GNPDA2: variants seen among roughly 807,000 people sequenced by gnomAD.
The protein encoded by GNPDA2 is glcN6P deaminase 2.
GNPDA2 carries 24 observed loss-of-function variants against 27.0 expected under a neutral mutation model. The observed-to-expected ratio is 0.89, with a 90% CI of 0.64 to 1.25. The LOEUF (loss-of-function observed/expected upper bound fraction) is 1.25, where lower values mean the gene tolerates loss of function less well. Among genes scored for constraint, GNPDA2 ranks in the 50% most tolerant of loss-of-function variants. The pLI, the probability that GNPDA2 is intolerant of heterozygous loss-of-function variation, is 0.00. For missense variants in GNPDA2, 286 were observed against 335.1 expected, an observed-to-expected ratio of 0.85 and a Z score of 1.14; for synonymous variants, 94 against 108.4, an observed-to-expected ratio of 0.87 and a Z score of 0.83.
In GNPDA2 at chr4:44,702,146, T is replaced by G. The variant is rs1472005121; in HGVS notation, c.*935A>C. On this transcript the variant is annotated 3_prime_UTR_variant, in exon 7 of 7. Coordinates refer to ENST00000295448, the MANE Select transcript of GNPDA2 (RefSeq NM_138335.3). ...ATTCTTCAGGTTCACTTCTGGAAAT[T>G]TAGATAACTTATTTATTACACGCTT... 4 of 925,256 alleles carry G rather than the reference T, an allele frequency of 4.3e-6. No individual in the cohort carries two copies. The African/African-American group carries it at 5.4e-5, about 12-fold the overall frequency. The allele number at this position is 925,256 out of a possible 1,614,324, so 57.3% of individuals were successfully genotyped here. A position where few individuals can be genotyped will look rare whatever the true frequency, so the allele number is the denominator to read the frequency against.
rs545415112 is a variant in GNPDA2, at chr4:44,707,497, TA to T, written c.769+254del. On this transcript the variant is annotated intron_variant, in intron 6 of 6. Coordinates refer to ENST00000295448, the MANE Select transcript of GNPDA2 (RefSeq NM_138335.3). ...TATATTCAATATGAAAGTAAATTAT[TA>T]AACCTTGGATTTCAAGAAAAATTGT... The T allele has an allele frequency of 1.1e-4, 50 of 439,720 alleles. No homozygotes were observed. In the East Asian group the frequency reaches 1.4e-3, roughly 12 times the overall value. The allele number at this position is 439,720 out of a possible 1,614,324, so 27.2% of individuals were successfully genotyped here. A position where few individuals can be genotyped will look rare whatever the true frequency, so the allele number is the denominator to read the frequency against.
intron 1 of GNPDA2, among the ~76,000 whole-genome samples, chr4:44,725,765 T>TTA: frequency 1.6e-5 from 1 of 62,248 alleles, no homozygotes; most frequent in South Asian, 7.2e-4. Flanking sequence ...TTCTCTGGCA[T>TTA]CACAAGACAG....
chr4:44,725,813 T>C (rs990133482), intron 1 of GNPDA2, among the ~76,000 whole-genome samples: 15 of 152,224 alleles, frequency 9.9e-5, no homozygotes, highest in Non-Finnish European at 1.0e-4. Flanking sequence ...TTCCCTCGTC[T>C]TCCTTCAGGT....
chr4:44,719,935 A>G (rs956653491), intron 2 of GNPDA2, among the ~76,000 whole-genome samples: 5 of 152,168 alleles, frequency 3.3e-5, no homozygotes, highest in Non-Finnish European at 7.4e-5. Flanking sequence ...ATATAGGGAT[A>G]AGCAAGTACA....
At chr4:44,721,854 A>G (rs1380200670) in intron 2 of GNPDA2, among the ~76,000 whole-genome samples, 1 of 152,164 alleles carries the variant, frequency 6.6e-6, no homozygotes, top group Non-Finnish European at 1.5e-5. Context: ...AATATTTCCT[A>G]TTGCATTTTG....
chr4:44,717,443 T>A (rs1015458000), intron 3 of GNPDA2, 148 bp from the exon 4 acceptor site: 4 of 494,776 alleles, frequency 8.1e-6, no homozygotes, highest in African/African-American at 8.0e-5. Flanking sequence ...TATATGATTA[T>A]ATGCCTAGTA....
chr4:44,723,622 T>C (rs1404621444), intron 1 of GNPDA2, among the ~76,000 whole-genome samples: 2 of 152,174 alleles, frequency 1.3e-5, no homozygotes, highest in African/African-American at 4.8e-5. Flanking sequence ...CTTTATCCAA[T>C]CATTCACTGA....
chr4:44,704,011 T>C (rs937964868), intron 6 of GNPDA2: 10 of 985,078 alleles, frequency 1.0e-5, no homozygotes, highest in Non-Finnish European at 1.2e-5. Flanking sequence ...ATGGGATTAC[T>C]GGATTGGAGA....
intron 4 of GNPDA2, among the ~76,000 whole-genome samples, chr4:44,713,859 A>T (rs1479901563): frequency 6.6e-6 from 1 of 152,158 alleles, no homozygotes; most frequent in Non-Finnish European, 1.5e-5. Flanking sequence ...CAGCCTGGGC[A>T]ACAGAGCGAG....
intron 6 of GNPDA2, chr4:44,703,482 C>G: frequency 9.8e-7 from 1 of 1,021,888 alleles, no homozygotes; most frequent in Non-Finnish European, 1.2e-6. Flanking sequence ...ATCTAAAAGT[C>G]TATGTTGATA....
intron 6 of GNPDA2, chr4:44,705,131 T>G (rs1281943209): frequency 2.0e-6 from 2 of 984,848 alleles, no homozygotes; most frequent in African/African-American, 3.5e-5. Context: ...TGGTCAGCAC[T>G]TTTTAGTGAT....
At chr4:44,721,224 A>G (rs535791899) in intron 2 of GNPDA2, among the ~76,000 whole-genome samples, 1 of 152,262 alleles carries the variant, frequency 6.6e-6, no homozygotes, top group Non-Finnish European at 1.5e-5. Flanking sequence ...TGAGGGGAGG[A>G]GCTGGAGAAA....
chr4:44,723,130 A>C (rs1019440741), intron 1 of GNPDA2, among the ~76,000 whole-genome samples: 6 of 152,222 alleles, frequency 3.9e-5, no homozygotes, highest in African/African-American at 1.4e-4. Context: ...GGAGTCACTT[A>C]AAAGCTACAT....
At chr4:44,719,480 G>T (rs1006239702) in intron 2 of GNPDA2, among the ~76,000 whole-genome samples, 2 of 151,966 alleles carry the variant, frequency 1.3e-5, no homozygotes, top group Non-Finnish European at 2.9e-5. Context: ...AAGAAAAAAA[G>T]ATTTTCTAAA....
chr4:44,705,184 A>G, intron 6 of GNPDA2: 1 of 982,580 alleles, frequency 1.0e-6, no homozygotes. Context: ...TTGAAGAGTT[A>G]TGGATGACAA....
At position 44,702,921 on chromosome 4, in the gene GNPDA2, T is replaced by A. The variant is rs77972003; in HGVS notation, c.*160A>T. ...TTCTCTTAAACCCAAGTACAAGATATAAATATTCAAAATATGGAATGTTTA... is the reference window on the plus strand; with the variant it reads ...TTCTCTTAAACCCAAGTACAAGATAAAAATATTCAAAATATGGAATGTTTA... On this transcript the variant is annotated 3_prime_UTR_variant, in exon 7 of 7. Coordinates refer to ENST00000295448, the MANE Select transcript of GNPDA2 (RefSeq NM_138335.3). The A allele has an allele frequency of 0.057, 83,780 of 1,459,098 alleles. 2,724 individuals carry two copies. The highest frequency in any genetic ancestry group is 0.14 in the East Asian group (5,249 of 38,754). The allele number at this position is 1,459,098 out of a possible 1,614,324, so 90.4% of individuals were successfully genotyped here.
At chr4:44,710,555 A>G (rs544449082) in intron 5 of GNPDA2, among the ~76,000 whole-genome samples, 5 of 152,306 alleles carry the variant, frequency 3.3e-5, no homozygotes, top group Admixed American at 1.3e-4. Context: ...CATAACATAC[A>G]GTCAAAAAGC....
At chr4:44,718,729 C>A (rs1395407498) in intron 2 of GNPDA2, among the ~76,000 whole-genome samples, 1 of 151,686 alleles carries the variant, frequency 6.6e-6, no homozygotes, top group Non-Finnish European at 1.5e-5. Flanking sequence ...TTTTAAAAAT[C>A]TCCCTTTCTG....
intron 1 of GNPDA2, among the ~76,000 whole-genome samples, chr4:44,724,245 T>G (rs1036125943): frequency 3.9e-5 from 6 of 152,186 alleles, no homozygotes; most frequent in African/African-American, 1.4e-4. Context: ...GTGTTTTCCT[T>G]TGATTTAGCT....
Sources: allele counts gnomAD v4.1 joint callset (sites outside exome capture counted in the v4.1 genomes callset), GRCh38; gene constraint gnomAD v4.1.1; transcripts MANE v1.5; gene names NCBI Gene and HGNC (gene_info 2026-07-23, HGNC 2026-07-21).